The following CHD8 variants were observed in gnomAD, a reference collection of about 807,000 sequenced individuals.
The protein encoded by CHD8 is ATP-dependent chromatin remodeler CHD8.
In CHD8, 31 loss-of-function variants were observed where a neutral mutation model predicts 279.2. The ratio of observed to expected loss-of-function variants is 0.11; its 90% CI spans 0.08 to 0.15. CHD8 has a LOEUF of 0.15. Among genes scored for constraint, CHD8 ranks in the 10% least tolerant of loss-of-function variants. The pLI, the probability that CHD8 is intolerant of heterozygous loss-of-function variation, is 1.00. For missense variants in CHD8, 2,146 were observed against 3,230.5 expected, an observed-to-expected ratio of 0.66 and a Z score of 8.14; for synonymous variants, 1,081 against 1,139.6, an observed-to-expected ratio of 0.95 and a Z score of 1.04.
In CHD8 at chr14:21,401,017, T is replaced by G. The variant is rs1179554999; in HGVS notation, c.4228A>C (p.Thr1410Pro). Reference protein sequence around the residue: ...RVRKQTRHFSTLKDDDLVEFS... With the variant: ...RVRKQTRHFSPLKDDDLVEFS... The stretch of plus-strand genomic sequence containing the variant: ...TCCACCAGGTCATCATCTTTCAGAG[T>G]GCTAAAGTGGCGCGTTTGTTTTCGT... The change falls in exon 22 of 38, where the codon ACT (threonine) becomes CCT (proline). Residue 1410 changes from threonine (T) to proline (P), a missense_variant. Transcript: ENST00000646647. 1.9e-6 allele frequency: 3 copies of G among 1,613,850 alleles called. No homozygotes were observed. The South Asian group carries it at 3.3e-5, about 18-fold the overall frequency.
In CHD8 at chr14:21,395,135, T is replaced by C. The variant is rs1329792592; in HGVS notation, c.5183-16A>G. On this transcript the variant is annotated splice_polypyrimidine_tract_variant and intron_variant, in intron 29 of 37. Coordinates refer to ENST00000646647, the MANE Select transcript of CHD8 (RefSeq NM_001170629.2). ...GTCACCTGGGCTGTGGAAAACAAAG[T>C]AGAATGAATAGGAAGTATAGCAAGG... 2.5e-6 allele frequency: 4 copies of C among 1,609,152 alleles called. No homozygotes were observed. Among genetic ancestry groups the C allele is most frequent in the Non-Finnish European group, 3.4e-6 (4 of 1,177,188 alleles).
chr14:21,388,620 T>C (rs1009628960), intron 37 of CHD8, among the ~76,000 whole-genome samples: 1 of 152,094 alleles, frequency 6.6e-6, no homozygotes, highest in Non-Finnish European at 1.5e-5. Flanking sequence ...AGCTTCCACA[T>C]AGCTGATACT....
intron 8 of CHD8, 199 bp downstream of exon 8, chr14:21,414,739 C>A: frequency 1.6e-6 from 1 of 623,874 alleles, no homozygotes; most frequent in Non-Finnish European, 2.8e-6. Context: ...CCACCCTCAC[C>A]CCACTTACCT....
At chr14:21,415,249 T>A in intron 7 of CHD8, 1 of 467,446 alleles carries the variant, frequency 2.1e-6, no homozygotes, top group East Asian at 3.8e-5. Context: ...CTTTCCTCCA[T>A]CATCTCTCAC....
chr14:21,429,247 G>A lies in CHD8; in HGVS notation c.932C>T (p.Pro311Leu). ...GTTGCCCTGTAACACTATCTTGCCT[G>A]GTAGACTCCCTAGCACAACATGCCG... ...GHRHVVLGSL[P>L]GKIVLQGNQL... The change falls in exon 3 of 38, where the codon CCA becomes CTA. Residue 311 changes from proline to leucine, a missense_variant. Physicochemically the swap from Pro to Leu is moderately conservative, Grantham distance 98. Around this residue, in one of 26 missense-constraint regions of CHD8, gnomAD observed 170 missense variants for 189.9 expected, o/e 0.90. Transcript: ENST00000646647. The A allele has an allele frequency of 6.2e-7, 1 of 1,613,692 alleles. No individual in the cohort carries two copies. Among genetic ancestry groups the A allele is most frequent in the Non-Finnish European group, 8.5e-7 (1 of 1,179,690 alleles).
chr14:21,430,745 G>C lies in CHD8; in HGVS notation c.843+56C>G. 3 of 1,092,032 alleles carry C rather than the reference G, an allele frequency of 2.7e-6. No homozygotes were observed. In the South Asian group the frequency reaches 4.5e-5, roughly 16 times the overall value. 67.6% of individuals were successfully genotyped at this position (1,092,032 alleles called of 1,614,324 possible). A position where few individuals can be genotyped will look rare whatever the true frequency, so the allele number is the denominator to read the frequency against. ...GCTCTCATGTGCTCACTCTCTCAAA[G>C]AGTTGCTGGGCCCTCTATGAAACCA... is the stretch of plus-strand genomic sequence containing the variant. On this transcript the variant is annotated intron_variant, in intron 2 of 37. Coordinates refer to ENST00000646647, the MANE Select transcript of CHD8 (RefSeq NM_001170629.2).
chr14:21,405,118 A>T lies in CHD8; in HGVS notation c.3307+91T>A. 7.6e-7 allele frequency: 1 copy of T among 1,315,948 alleles called. No homozygotes were observed. The highest frequency in any genetic ancestry group is 1.1e-6 in the Non-Finnish European group (1 of 942,882). The allele number at this position is 1,315,948 out of a possible 1,614,324, so 81.5% of individuals were successfully genotyped here. ...TCCGCACCCCAAATTAGGTTGGTTGAGTCAATGCATCCATTGTCCCCAAGG... is the reference window on the plus strand; with the variant it reads ...TCCGCACCCCAAATTAGGTTGGTTGTGTCAATGCATCCATTGTCCCCAAGG... On this transcript the variant is annotated intron_variant, in intron 16 of 37. Coordinates refer to ENST00000646647, the MANE Select transcript of CHD8 (RefSeq NM_001170629.2). This position sits in a 1 kb window ranked among gnomAD's most constrained non-coding sequence, Gnocchi z 4.2.
chr14:21,402,619 A>G lies in CHD8; in HGVS notation c.3715-116T>C. Reference sequence around the variant, plus strand: ...CCTCTATAGAGCAGCCATGAGATCAACTCAAAACCAAGAGTCAATTTCAAG... The same window carrying G: ...CCTCTATAGAGCAGCCATGAGATCAGCTCAAAACCAAGAGTCAATTTCAAG... On this transcript the variant is annotated intron_variant, in intron 18 of 37. Transcript: ENST00000646647. This position sits in a 1 kb window ranked among gnomAD's most constrained non-coding sequence, Gnocchi z 4.5. 1.0e-6 allele frequency: 1 copy of G among 993,312 alleles called. No individual in the cohort carries two copies. Among genetic ancestry groups the G allele is most frequent in the East Asian group, 2.7e-5 (1 of 37,534 alleles). 61.5% of individuals were successfully genotyped at this position (993,312 alleles called of 1,614,324 possible). A position where few individuals can be genotyped will look rare whatever the true frequency, so the allele number is the denominator to read the frequency against.
intron 1 of CHD8, among the ~76,000 whole-genome samples, chr14:21,436,708 G>A (rs1351550627): frequency 2.0e-5 from 3 of 152,304 alleles, no homozygotes; most frequent in East Asian, 3.9e-4. Context: ...GGTAAAGTAA[G>A]ACCTTGTGAA....
chr14:21,399,177 C>T (rs920139481), intron 26 of CHD8: 28 of 286,382 alleles, frequency 9.8e-5, no homozygotes, highest in African/African-American at 5.5e-4. Flanking sequence ...CCTCTGCCTA[C>T]TCACCCAGAA....
chr14:21,398,096 G>A (rs1887866724), intron 26 of CHD8, 144 bp from the exon 27 acceptor site: 1 of 725,718 alleles, frequency 1.4e-6, no homozygotes. Flanking sequence ...GACAACTACT[G>A]GGTTTATTAC....
In CHD8 at chr14:21,415,770, C is replaced by T; in HGVS notation, c.1854G>A (p.Val618=). The part of the protein sequence containing the change: ...IKPEPILPEP[V]QEPDGETLPS... ...GCAAAGTCTCGCCATCTGGTTCTTG[C>T]ACTGGTTCAGGGAGGATAGGCTCAG... Residue 618 remains valine, a synonymous_variant, in exon 6 of 38, where the codon GTG becomes GTA. Transcript: ENST00000646647. The T allele has an allele frequency of 6.2e-7, 1 of 1,613,814 alleles. No homozygotes were observed. Among genetic ancestry groups the T allele is most frequent in the South Asian group, 1.1e-5 (1 of 91,072 alleles).
intron 5 of CHD8, among the ~76,000 whole-genome samples, chr14:21,419,277 G>T (rs934630867): frequency 3.3e-5 from 5 of 152,160 alleles, no homozygotes; most frequent in African/African-American, 1.2e-4. Flanking sequence ...ATCCAGGGTG[G>T]GCCGGGAGCG....
At position 21,419,905 on chromosome 14, in the gene CHD8, G is replaced by A. The variant is rs1047530145; in HGVS notation, c.1717-3998C>T. ...GCCAGCCAGGGCCACCTGTGCAATG[G>A]CCCAGAAGGTAAGTAGTCGGGCCGT... On this transcript the variant is annotated intron_variant, in intron 5 of 37. Coordinates refer to ENST00000646647, the MANE Select transcript of CHD8 (RefSeq NM_001170629.2). 1.4e-5 allele frequency: 4 copies of A among 289,036 alleles called. No individual in the cohort carries two copies. In the East Asian group the frequency reaches 3.0e-4, roughly 22 times the overall value. 17.9% of individuals were successfully genotyped at this position (289,036 alleles called of 1,614,324 possible).
chr14:21,431,830 T>C lies in CHD8; in HGVS notation c.-187A>G, dbSNP rs749581967. 1.2e-6 allele frequency: 2 copies of C among 1,613,182 alleles called. No individual in the cohort carries two copies. Among genetic ancestry groups the C allele is most frequent in the East Asian group, 4.5e-5 (2 of 44,878 alleles). On this transcript the variant is annotated 5_prime_UTR_variant, in exon 2 of 38. Transcript: ENST00000646647. ...CCTGACCTTCATGGAGCAAGATGGC[T>C]ACGTCTTCAGAGGAAGATGGTGGAA...
intron 9 of CHD8, among the ~76,000 whole-genome samples, chr14:21,413,206 T>A (rs963205081): frequency 5.3e-5 from 8 of 152,222 alleles, no homozygotes; most frequent in Non-Finnish European, 1.0e-4. Flanking sequence ...AGTGAGTGTC[T>A]CTTTCTAACA....
At chr14:21,433,121 C>A (rs1235209916) in intron 1 of CHD8, among the ~76,000 whole-genome samples, 3 of 152,190 alleles carry the variant, frequency 2.0e-5, no homozygotes, top group African/African-American at 7.2e-5. Flanking sequence ...GGACATAGCA[C>A]ATATAGTAGC....
At position 21,400,673 on chromosome 14, in the gene CHD8, AATC is replaced by A. The variant is rs1212305090; in HGVS notation, c.4371-64_4371-62del. 6 of 1,434,560 alleles carry A rather than the reference AATC, an allele frequency of 4.2e-6. No individual in the cohort carries two copies. The African/African-American group carries it at 8.6e-5, about 21-fold the overall frequency. 88.9% of individuals were successfully genotyped at this position (1,434,560 alleles called of 1,614,324 possible). A position where few individuals can be genotyped will look rare whatever the true frequency, so the allele number is the denominator to read the frequency against. On this transcript the variant is annotated intron_variant, in intron 22 of 37. Transcript: ENST00000646647. This position sits in a 1 kb window ranked among gnomAD's most constrained non-coding sequence, Gnocchi z 4.2. The stretch of plus-strand genomic sequence containing the variant: ...GAAATGACAGTCCCCTGTCCCTCAG[AATC>A]ATGTCTCTGAAAAGGTGTGAAACAA...
chr14:21,385,547 T>G lies in CHD8; in HGVS notation c.*66A>C. The G allele has an allele frequency of 6.8e-7, 1 of 1,476,210 alleles. No homozygotes were observed. The highest frequency in any genetic ancestry group is 9.0e-7 in the Non-Finnish European group (1 of 1,113,012). 91.4% of individuals were successfully genotyped at this position (1,476,210 alleles called of 1,614,324 possible). ...CTCCCCTGCCCCTCCCACGTTTCCA[T>G]AGTCCAAGGGCCAGAGTAAATGAAA... On this transcript the variant is annotated 3_prime_UTR_variant, in exon 38 of 38. Transcript: ENST00000646647.
Sources: gnomAD v4.1 joint callset for allele counts (sites outside exome capture counted in the v4.1 genomes callset) on GRCh38, gnomAD v4.1.1 for gene constraint, gnomAD v4.1.1 regional missense constraint, Gnocchi (gnomAD v3.1) non-coding constraint, MANE v1.5 for transcripts, NCBI Gene and HGNC (gene_info 2026-07-23, HGNC 2026-07-21) for gene names.